The following PRLR variants were observed in gnomAD, a reference collection of about 807,000 sequenced individuals.
The protein encoded by PRLR is prolactin receptor.
PRLR carries 13 observed loss-of-function variants against 40.2 expected under a neutral mutation model. The ratio of observed to expected loss-of-function variants is 0.32; its 90% CI spans 0.21 to 0.51. PRLR has a LOEUF of 0.51. Ranked by LOEUF, PRLR falls within the 20% of genes least tolerant of loss-of-function variation. The pLI is 0.97. For missense variants in PRLR, 656 were observed against 747.3 expected (o/e 0.88, Z 1.42); for synonymous variants, 269 against 278.7 (o/e 0.97, Z 0.35).
intron 2 of PRLR, among the ~76,000 whole-genome samples, chr5:35,104,878 T>A (rs1300395457): frequency 6.6e-6 from 1 of 152,156 alleles, no homozygotes; most frequent in Non-Finnish European, 1.5e-5. Context: ...GTAGTGGTTC[T>A]CCCACCGCGG....
At chr5:35,228,715 C>T (rs1158263041) in intron 1 of PRLR, among the ~76,000 whole-genome samples, 1 of 152,142 alleles carries the variant, frequency 6.6e-6, no homozygotes, top group Non-Finnish European at 1.5e-5. Flanking sequence ...GCTGGTAGAG[C>T]TCTGGAGAGA....
intron 2 of PRLR, among the ~76,000 whole-genome samples, chr5:35,096,013 G>A (rs967563585): frequency 1.3e-5 from 2 of 152,210 alleles, no homozygotes; most frequent in African/African-American, 4.8e-5. Flanking sequence ...ATCAAGAGGA[G>A]CGCATGTGCT....
chr5:35,098,100 T>C (rs1771647039), intron 2 of PRLR, among the ~76,000 whole-genome samples: 1 of 152,206 alleles, frequency 6.6e-6, no homozygotes, highest in Non-Finnish European at 1.5e-5. Flanking sequence ...ACTCGTGCAT[T>C]CTGTGAGAGG....
chr5:35,198,225 T>A (rs1218402087), intron 1 of PRLR, among the ~76,000 whole-genome samples: 1 of 152,242 alleles, frequency 6.6e-6, no homozygotes, highest in Non-Finnish European at 1.5e-5. Context: ...TGAGAAGGCT[T>A]GCCCCAGGAA....
chr5:35,187,525 T>A (rs1775480725), intron 1 of PRLR, among the ~76,000 whole-genome samples: 1 of 151,892 alleles, frequency 6.6e-6, no homozygotes, highest in Non-Finnish European at 1.5e-5. Context: ...GACGCCAGAG[T>A]TCTAGGTTCT....
At chr5:35,077,963 A>G (rs926238202) in intron 5 of PRLR, among the ~76,000 whole-genome samples, 4 of 152,260 alleles carry the variant, frequency 2.6e-5, no homozygotes, top group African/African-American at 9.6e-5. Flanking sequence ...TACTGGGTAC[A>G]TAATGAAATG....
chr5:35,100,020 C>CA (rs1338784954), intron 2 of PRLR, among the ~76,000 whole-genome samples: 1 of 150,866 alleles, frequency 6.6e-6, no homozygotes, highest in African/African-American at 2.4e-5. Context: ...ACTAAAACTA[C>CA]AAAAAAAATT....
chr5:35,172,981 A>T (rs573192869), intron 1 of PRLR, among the ~76,000 whole-genome samples: 4 of 152,068 alleles, frequency 2.6e-5, no homozygotes, highest in Non-Finnish European at 4.4e-5. Context: ...TTGGGTTTAG[A>T]TTTTTTTCTT....
chr5:35,146,396 G>T (rs557890589), intron 1 of PRLR, among the ~76,000 whole-genome samples: 1 of 152,080 alleles, frequency 6.6e-6, no homozygotes, highest in Non-Finnish European at 1.5e-5. Context: ...TGTGTGCATC[G>T]TTTTATCACA....
chr5:35,075,028 A>T (rs1769988073), intron 5 of PRLR, among the ~76,000 whole-genome samples: 1 of 152,202 alleles, frequency 6.6e-6, no homozygotes, highest in South Asian at 2.1e-4. Flanking sequence ...TATGAGTTAC[A>T]TTTGCCTAAA....
intron 1 of PRLR, among the ~76,000 whole-genome samples, chr5:35,229,219 C>G (rs1231288874): frequency 4.6e-5 from 7 of 151,444 alleles, no homozygotes; most frequent in African/African-American, 1.5e-4. Context: ...CAAGTTTGCA[C>G]AGCTGATGGT....
At chr5:35,071,121 A>T (rs1445541188) in intron 6 of PRLR, among the ~76,000 whole-genome samples, 1 of 152,202 alleles carries the variant, frequency 6.6e-6, no homozygotes, top group Non-Finnish European at 1.5e-5. Context: ...TATAGAGTAC[A>T]TAATATCACC....
At chr5:35,217,116 A>G (rs557327077) in intron 1 of PRLR, among the ~76,000 whole-genome samples, 12 of 152,294 alleles carry the variant, frequency 7.9e-5, no homozygotes, top group African/African-American at 2.6e-4. Flanking sequence ...CAACCCATGC[A>G]ATCCTTTTCT....
At position 35,056,656 on chromosome 5, in the gene PRLR, A is replaced by AT. The variant is rs879172644; in HGVS notation, c.*8432dup. On this transcript the variant is annotated 3_prime_UTR_variant, in exon 10 of 10. Coordinates refer to ENST00000618457, the MANE Select transcript of PRLR (RefSeq NM_000949.7). ...TCAATGCTTTTGAAAAATTAGCTAC[A>AT]TATTACTTCTCCAGCTCATCATTAA... 2.6e-5 allele frequency: 4 copies of AT among 152,282 alleles called. No homozygotes were observed. In the South Asian group the frequency reaches 8.3e-4, roughly 32 times the overall value. 9.4% of individuals were successfully genotyped at this position (152,282 alleles called of 1,614,324 possible). A position where few individuals can be genotyped will look rare whatever the true frequency, so the allele number is the denominator to read the frequency against.
At chr5:35,121,454 A>C (rs1438757222) in intron 1 of PRLR, among the ~76,000 whole-genome samples, 1 of 151,780 alleles carries the variant, frequency 6.6e-6, no homozygotes, top group Admixed American at 6.6e-5. Context: ...TGACCAATAC[A>C]TTTTTTTTGT....
rs113076696 is a variant in PRLR, at chr5:35,131,616, G to A, written c.-105-13494C>T. On this transcript the variant is annotated intron_variant, in intron 1 of 9. Transcript: ENST00000618457. ...CTGTATGGCCCACATTCCCTGGGAC[G>A]GGCTGGGGTTCAGATGTTCCTCATA... 3.9e-3 allele frequency among the ~76,000 whole-genome samples: 596 copies of A among 152,246 alleles called. 4 individuals are homozygous for A. The highest frequency in any genetic ancestry group is 0.014 in the African/African-American group (562 of 41,528).
At chr5:35,143,161 G>T (rs1208519585) in intron 1 of PRLR, among the ~76,000 whole-genome samples, 4 of 152,180 alleles carry the variant, frequency 2.6e-5, no homozygotes, top group Non-Finnish European at 5.9e-5. Flanking sequence ...TTTCTATAAA[G>T]GGCAAGATGG....
chr5:35,164,236 A>T (rs887183373), intron 1 of PRLR, among the ~76,000 whole-genome samples: 1 of 152,198 alleles, frequency 6.6e-6, no homozygotes, highest in Non-Finnish European at 1.5e-5. Context: ...ACAACCAATT[A>T]GCTGATATCT....
intron 1 of PRLR, among the ~76,000 whole-genome samples, chr5:35,218,828 C>T (rs917176832): frequency 4.6e-5 from 7 of 151,698 alleles, no homozygotes; most frequent in Admixed American, 2.0e-4. Flanking sequence ...CTCAGATGGC[C>T]GTGGGGAGCA....
Sources: allele counts gnomAD v4.1 joint callset (sites outside exome capture counted in the v4.1 genomes callset), GRCh38; gene constraint gnomAD v4.1.1; transcripts MANE v1.5; gene names NCBI Gene and HGNC (gene_info 2026-07-23, HGNC 2026-07-21).